GRIA1: variants seen among roughly 807,000 people sequenced by gnomAD.
The protein encoded by GRIA1 is glutamate receptor 1.
In GRIA1, 31 loss-of-function variants were observed where a neutral mutation model predicts 99.2. That is an observed-to-expected ratio of 0.31 (90% CI 0.23 to 0.42). GRIA1 has a LOEUF of 0.42. Ranked by LOEUF, GRIA1 falls within the 10% of genes least tolerant of loss-of-function variation. The pLI is 1.00. For synonymous variants in GRIA1, 438 were observed against 432.4 expected, an observed-to-expected ratio of 1.01 and a Z score of -0.16; for missense variants, 782 against 1,157.5, an observed-to-expected ratio of 0.68 and a Z score of 4.71.
chr5:153,806,677 G>T (rs1461224), intron 15 of GRIA1, among the ~76,000 whole-genome samples: 91,773 of 151,970 alleles, frequency 0.6, 28,628 homozygotes, highest in East Asian at 0.94. Context: ...AAGAACGAGA[G>T]GAAGAGGGGC....
chr5:153,515,991 T>C (rs555045588), intron 2 of GRIA1, among the ~76,000 whole-genome samples: 1 of 152,020 alleles, frequency 6.6e-6, no homozygotes, highest in Non-Finnish European at 1.5e-5. Context: ...GAGGCCAAGG[T>C]GGGCGGATCA....
At position 153,613,790 on chromosome 5, in the gene GRIA1, G is replaced by A. The variant is rs576769595; in HGVS notation, c.221-33138G>A. Among the ~76,000 whole-genome samples, 6 of 151,884 alleles carry A rather than the reference G, an allele frequency of 4.0e-5. No individual in the cohort carries two copies. The East Asian group carries it at 7.7e-4, about 20-fold the overall frequency. On this transcript the variant is annotated intron_variant, in intron 2 of 15. Transcript: ENST00000285900. ...CTTGAGAGAGGCATTTACATAATCC[G>A]TTCACTTTAGTTTCAGAAAATCAAC...
chr5:153,604,218 TA>T (rs1295230538), intron 2 of GRIA1, among the ~76,000 whole-genome samples: 1 of 152,070 alleles, frequency 6.6e-6, no homozygotes, highest in Non-Finnish European at 1.5e-5. Flanking sequence ...TATATACAAA[TA>T]AAGTGGGTGA....
intron 2 of GRIA1, among the ~76,000 whole-genome samples, chr5:153,584,233 G>A (rs1763281520): frequency 6.6e-6 from 1 of 152,166 alleles, no homozygotes; most frequent in South Asian, 2.1e-4. Flanking sequence ...TTATATGTGT[G>A]AGAAGACTTC....
At chr5:153,591,654 G>A (rs548438936) in intron 2 of GRIA1, among the ~76,000 whole-genome samples, 1 of 152,288 alleles carries the variant, frequency 6.6e-6, no homozygotes, top group South Asian at 2.1e-4. Context: ...ATAGAAGTTG[G>A]ATGAACTAAA....
intron 2 of GRIA1, among the ~76,000 whole-genome samples, chr5:153,535,455 C>T (rs1372290026): frequency 6.6e-6 from 1 of 152,160 alleles, no homozygotes; most frequent in Non-Finnish European, 1.5e-5. Flanking sequence ...AACCTCCTGG[C>T]ACATATGATA....
intron 2 of GRIA1, among the ~76,000 whole-genome samples, chr5:153,585,678 C>T (rs1429457221): frequency 2.0e-5 from 3 of 152,112 alleles, no homozygotes; most frequent in Non-Finnish European, 4.4e-5. Flanking sequence ...ATAAATCAGG[C>T]TTATTGCCCC....
intron 15 of GRIA1, among the ~76,000 whole-genome samples, chr5:153,806,154 C>T (rs1380657912): frequency 1.3e-5 from 2 of 152,216 alleles, no homozygotes; most frequent in East Asian, 3.8e-4. Flanking sequence ...AGCCCCCAAC[C>T]TTACAGAGAC....
intron 12 of GRIA1, 44 bp from the exon 13 acceptor site, chr5:153,770,124 A>G (rs1763778073): frequency 3.1e-6 from 5 of 1,605,274 alleles, no homozygotes; most frequent in East Asian, 4.5e-5. Flanking sequence ...ACCGACCCCA[A>G]TTCCAAGCGC....
At chr5:153,778,893 T>C (rs1253681151) in intron 13 of GRIA1, among the ~76,000 whole-genome samples, 1 of 152,184 alleles carries the variant, frequency 6.6e-6, no homozygotes, top group African/African-American at 2.4e-5. Flanking sequence ...CACAGGTGGA[T>C]GTCTTACCCT....
intron 2 of GRIA1, among the ~76,000 whole-genome samples, chr5:153,533,625 C>T (rs1247190376): frequency 1.3e-5 from 2 of 152,198 alleles, no homozygotes; most frequent in African/African-American, 2.4e-5. Context: ...ATGGAAGCAT[C>T]AGGTTCCTAG....
At chr5:153,578,977 C>T (rs1762812208) in intron 2 of GRIA1, among the ~76,000 whole-genome samples, 1 of 151,638 alleles carries the variant, frequency 6.6e-6, no homozygotes, top group African/African-American at 2.4e-5. Flanking sequence ...TCCCTTTTCT[C>T]TCCTGAAAAC....
At chr5:153,656,383 T>TTATATATATATATA (rs60245651) in intron 5 of GRIA1, among the ~76,000 whole-genome samples, 3,057 of 90,978 alleles carry the variant, frequency 0.034, 63 homozygotes, top group South Asian at 0.041. Flanking sequence ...ATAAGTTTGT[T>TTATATATATATATA]TATATATATA....
intron 8 of GRIA1, among the ~76,000 whole-genome samples, chr5:153,687,170 C>A (rs962041504): frequency 6.6e-6 from 1 of 152,144 alleles, no homozygotes; most frequent in Non-Finnish European, 1.5e-5. Flanking sequence ...CTGCTCATGG[C>A]CTTCATCACA....
chr5:153,550,820 G>T (rs1269892344), intron 2 of GRIA1, among the ~76,000 whole-genome samples: 3 of 152,144 alleles, frequency 2.0e-5, no homozygotes, highest in African/African-American at 7.2e-5. Context: ...CAGATTGCCA[G>T]ATCCCACCCC....
chr5:153,688,154 C>T (rs1284368554), intron 8 of GRIA1, among the ~76,000 whole-genome samples: 1 of 152,190 alleles, frequency 6.6e-6, no homozygotes, highest in East Asian at 1.9e-4. Flanking sequence ...CAGAGCCCAT[C>T]TCCCATCTCT....
At chr5:153,739,547 TTA>T (rs1275235423) in intron 11 of GRIA1, among the ~76,000 whole-genome samples, 2 of 152,150 alleles carry the variant, frequency 1.3e-5, no homozygotes, top group Non-Finnish European at 2.9e-5. Context: ...AGCTTTTAGG[TTA>T]TAGACAGGAT....
intron 2 of GRIA1, among the ~76,000 whole-genome samples, chr5:153,643,439 G>A (rs1753916732): frequency 6.6e-6 from 1 of 152,152 alleles, no homozygotes; most frequent in African/African-American, 2.4e-5. Context: ...TTGAATATTG[G>A]TTGTGACAGA....
At chr5:153,721,688 A>G (rs940804129) in intron 11 of GRIA1, among the ~76,000 whole-genome samples, 12 of 152,186 alleles carry the variant, frequency 7.9e-5, no homozygotes, top group African/African-American at 2.9e-4. Flanking sequence ...TATCACATAT[A>G]GTTGTAGTTC....
Sources: allele counts gnomAD v4.1 joint callset (sites outside exome capture counted in the v4.1 genomes callset), GRCh38; gene constraint gnomAD v4.1.1; transcripts MANE v1.5; gene names NCBI Gene and HGNC (gene_info 2026-07-23, HGNC 2026-07-21).